The following PAPPA variants were observed in gnomAD, a reference collection of about 807,000 sequenced individuals.
PAPPA encodes pappalysin-1.
PAPPA carries 60 observed loss-of-function variants against 164.0 expected under a neutral mutation model. That is an observed-to-expected ratio of 0.37 (90% CI 0.30 to 0.45). The LOEUF (loss-of-function observed/expected upper bound fraction) is 0.45. Ranked by LOEUF, PAPPA falls within the 20% of genes least tolerant of loss-of-function variation. The pLI, the probability that PAPPA is intolerant of heterozygous loss-of-function variation, is 1.00. For synonymous variants in PAPPA, 875 were observed against 814.1 expected (o/e 1.07, Z -1.27); for missense variants, 1,782 against 2,087.3 (o/e 0.85, Z 2.85).
intron 4 of PAPPA, among the ~76,000 whole-genome samples, chr9:116,213,690 G>A (rs1844337315): frequency 6.6e-6 from 1 of 152,034 alleles, no homozygotes; most frequent in African/African-American, 2.4e-5. Flanking sequence ...CCTTTGTACA[G>A]ATCTAAAGGG....
intron 10 of PAPPA, among the ~76,000 whole-genome samples, chr9:116,306,318 C>T (rs77318857): frequency 0.013 from 1,915 of 152,264 alleles, 33 homozygotes; most frequent in African/African-American, 0.042. Flanking sequence ...AAACAACATG[C>T]ATTGTGCTAT....
In PAPPA at chr9:116,335,903, C is replaced by G. The variant is rs991896109; in HGVS notation, c.3611+829C>G. On this transcript the variant is annotated intron_variant, in intron 13 of 21. Transcript: ENST00000328252. ...AAAAGTATTCCTGCAGACTGTTAGG[C>G]ACTATGCAAACATAACATATTAAAG... Among the ~76,000 whole-genome samples the G allele has an allele frequency of 2.6e-5, 4 of 152,152 alleles. No homozygotes were observed. The East Asian group carries it at 7.7e-4, about 29-fold the overall frequency.
chr9:116,224,251 C>T (rs1054712965), intron 5 of PAPPA, among the ~76,000 whole-genome samples: 3 of 152,190 alleles, frequency 2.0e-5, no homozygotes, highest in Middle Eastern at 3.2e-3. Flanking sequence ...GTTTTCCTAA[C>T]TCCTTTATTT....
In PAPPA at chr9:116,377,560, C is replaced by T. The variant is rs1211549908; in HGVS notation, c.4606-16C>T. On this transcript the variant is annotated splice_polypyrimidine_tract_variant and intron_variant, in intron 19 of 21. Transcript: ENST00000328252. ...AATCCCAAGCCCATCTGACCTTTCT[C>T]TCCCTCTTCCCACAGAGAGTTGTCT... 5 of 1,605,506 alleles carry T rather than the reference C, an allele frequency of 3.1e-6. No homozygotes were observed. Among genetic ancestry groups the T allele is most frequent in the East Asian group, 2.2e-5 (1 of 44,856 alleles).
In PAPPA at chr9:116,332,363, G is replaced by A; in HGVS notation, c.3292G>A (p.Ala1098Thr). ...AYFSQPMVAA[A>T]VIVHLVTDGT... ...TTTTTCTCAACCAATGGTTGCCGCA[G>A]CTGTCATTGTCCACCTGGTGACGGA... Residue 1098 changes from alanine to threonine, a missense_variant, in exon 12 of 22, where the codon GCT becomes ACT. Transcript: ENST00000328252. 7 of 1,613,888 alleles carry A rather than the reference G, an allele frequency of 4.3e-6. No individual in the cohort carries two copies. Among genetic ancestry groups the A allele is most frequent in the Non-Finnish European group, 5.9e-6 (7 of 1,179,794 alleles).
intron 21 of PAPPA, among the ~76,000 whole-genome samples, chr9:116,386,877 G>A (rs1390313399): frequency 6.6e-6 from 1 of 152,124 alleles, no homozygotes. Flanking sequence ...GGAGTTTCCC[G>A]TGGGCATCCA....
chr9:116,353,813 A>AGATT lies in PAPPA; in HGVS notation c.4347+24_4347+27dup, dbSNP rs1846316261. On this transcript the variant is annotated intron_variant, in intron 17 of 21. Coordinates refer to ENST00000328252, the MANE Select transcript of PAPPA (RefSeq NM_002581.5). ...TCCCAGGTAAGCCTCCTGGAACTTGAGATTGATACCATGGTCCCTTTCCTT... is the reference window on the plus strand; with the variant it reads ...TCCCAGGTAAGCCTCCTGGAACTTGAGATTGATTGATACCATGGTCCCTTTCCTT... 2 of 1,592,642 alleles carry AGATT rather than the reference A, an allele frequency of 1.3e-6. No homozygotes were observed. The highest frequency in any genetic ancestry group is 4.5e-5 in the East Asian group (2 of 44,536).
At chr9:116,211,982 G>A (rs758542492) in intron 4 of PAPPA, 50 bp downstream of exon 4, 5 of 1,526,178 alleles carry the variant, frequency 3.3e-6, no homozygotes, top group Middle Eastern at 1.7e-4. Flanking sequence ...TCAGATGTGG[G>A]ATCCAATCCT....
chr9:116,355,426 G>A (rs1846340151), intron 17 of PAPPA, among the ~76,000 whole-genome samples: 1 of 152,178 alleles, frequency 6.6e-6, no homozygotes, highest in African/African-American at 2.4e-5. Context: ...GCTGTAAATG[G>A]GCTGAGTCCA....
chr9:116,160,002 C>T (rs1843648933), intron 1 of PAPPA, among the ~76,000 whole-genome samples: 1 of 152,204 alleles, frequency 6.6e-6, no homozygotes, highest in Admixed American at 6.5e-5. Flanking sequence ...GCTTTTAAAA[C>T]ATCCTTCTGC....
intron 10 of PAPPA, among the ~76,000 whole-genome samples, chr9:116,309,639 C>T (rs544195716): frequency 5.9e-5 from 9 of 151,436 alleles, no homozygotes; most frequent in East Asian, 1.9e-4. Flanking sequence ...AGAGGGAGGA[C>T]GGGAGAGGGA....
At chr9:116,334,553 G>A (rs1311980047) in intron 12 of PAPPA, among the ~76,000 whole-genome samples, 2 of 152,150 alleles carry the variant, frequency 1.3e-5, no homozygotes, top group East Asian at 3.9e-4. Context: ...CAATGTGGGA[G>A]GGAGGTGAGG....
chr9:116,227,100 G>A (rs1160034292), intron 5 of PAPPA, among the ~76,000 whole-genome samples: 3 of 152,208 alleles, frequency 2.0e-5, no homozygotes, highest in Non-Finnish European at 1.5e-5. Flanking sequence ...TAACTACATT[G>A]CAAATCCTCA....
chr9:116,222,780 G>C (rs1564189681), intron 5 of PAPPA, among the ~76,000 whole-genome samples: 1 of 152,158 alleles, frequency 6.6e-6, no homozygotes, highest in Non-Finnish European at 1.5e-5. Flanking sequence ...CTGTTGCACA[G>C]AATGGTGACT....
intron 16 of PAPPA, 134 bp from the exon 17 acceptor site, chr9:116,353,488 C>G (rs750140357): frequency 1.3e-6 from 1 of 753,708 alleles, no homozygotes. Flanking sequence ...CGGGTCCCAC[C>G]AGAACCCAAT....
rs7020782 is a variant in PAPPA, at chr9:116,344,602, C to A, written c.3671C>A (p.Ser1224Tyr). Residue 1224 changes from serine (S) to tyrosine (Y), a missense_variant, in exon 14 of 22, where the codon TCT (serine) becomes TAT (tyrosine). Physicochemically the swap from Ser to Tyr is moderately radical, Grantham distance 144. Coordinates refer to ENST00000328252, the MANE Select transcript of PAPPA (RefSeq NM_002581.5). ...CCAGAGCTGGCTGTGGAGAATGCTTCTCTCAATTGCTCCAGCAGCGACCGC... is the reference window on the plus strand; with the variant it reads ...CCAGAGCTGGCTGTGGAGAATGCTTATCTCAATTGCTCCAGCAGCGACCGC... Reference protein sequence around the residue: ...DCPELAVENASLNCSSSDRYH... With the variant: ...DCPELAVENAYLNCSSSDRYH... The A allele has an allele frequency of 0.68, 1,096,769 of 1,613,674 alleles. 378,522 individuals carry two copies. The highest frequency in any genetic ancestry group is 0.76 in the East Asian group (33,909 of 44,850).
chr9:116,233,149 G>A (rs1235011485), intron 6 of PAPPA, among the ~76,000 whole-genome samples: 4 of 152,236 alleles, frequency 2.6e-5, no homozygotes, highest in Non-Finnish European at 4.4e-5. Flanking sequence ...TTTAGCATCT[G>A]CTATGTGAAT....
In PAPPA at chr9:116,154,268, G is replaced by C; in HGVS notation, c.96G>C (p.Pro32=). The C allele has an allele frequency of 9.1e-7, 1 of 1,103,326 alleles. No homozygotes were observed. 68.3% of individuals were successfully genotyped at this position (1,103,326 alleles called of 1,614,324 possible). ...GTCCCCGCCGGGCCCGGAGAGACCC[G>C]CGGGCCGGCCGACCCCCGCGCCCCG... ...AERPRRARRD[P]RAGRPPRPAA... The change falls in exon 1 of 22, where the codon CCG becomes CCC. Residue 32 remains proline, a synonymous_variant. Transcript: ENST00000328252. The surrounding 1 kb of genome is among the most constrained non-coding windows in gnomAD (Gnocchi z 5.2).
At position 116,187,956 on chromosome 9, in the gene PAPPA, C is replaced by G. The variant is rs1843996348; in HGVS notation, c.1218C>G (p.Arg406=). The G allele has an allele frequency of 6.2e-7, 1 of 1,614,056 alleles. No homozygotes were observed. Among genetic ancestry groups the G allele is most frequent in the African/African-American group, 1.3e-5 (1 of 74,946 alleles). ...DVLEVSNSSL[R]RRLILANCDI... is the part of the protein sequence containing the mutation. ...TGGAGGTGAGCAACTCCTCCCTTCG[C>G]CGCCGCCTCATCCTGGCCAACTGTG... The change falls in exon 2 of 22, where the codon CGC becomes CGG. Residue 406 remains arginine (R), a synonymous_variant. Transcript: ENST00000328252. This position sits in a 1 kb window ranked among gnomAD's most constrained non-coding sequence, Gnocchi z 4.2.
Sources: gnomAD v4.1 joint callset for allele counts (sites outside exome capture counted in the v4.1 genomes callset) on GRCh38, gnomAD v4.1.1 for gene constraint, Gnocchi (gnomAD v3.1) non-coding constraint, MANE v1.5 for transcripts, NCBI Gene and HGNC (gene_info 2026-07-23, HGNC 2026-07-21) for gene names.